Variants in SYNPO observed in about 807,000 individuals in gnomAD.
SYNPO encodes synaptopodin.
SYNPO carries 19 observed loss-of-function variants against 49.5 expected under a neutral mutation model. The observed-to-expected ratio is 0.38, with a 90% confidence interval of 0.27 to 0.56. The LOEUF (loss-of-function observed/expected upper bound fraction) is 0.56. Among genes scored for constraint, SYNPO ranks in the 20% least tolerant of loss-of-function variants. SYNPO has a pLI of 0.68. For missense variants in SYNPO, 1,131 were observed against 1,248.3 expected (o/e 0.91, Z 1.42); for synonymous variants, 536 against 548.0 (o/e 0.98, Z 0.31).
intron 2 of SYNPO, among the ~76,000 whole-genome samples, chr5:150,621,393 T>C (rs1227832117): frequency 6.6e-6 from 1 of 152,148 alleles, no homozygotes; most frequent in East Asian, 1.9e-4. Context: ...GGAAGGAAGC[T>C]GGGTCTTGCA....
chr5:150,649,897 C>T lies in SYNPO; in HGVS notation c.1622C>T (p.Pro541Leu). ...TCCCGAAGCCCAGCCCGGACCCCGC[C>T]TGCCTCCCTCTACCATGGCTACCTG... ...VASRSPARTP[P>L]ASLYHGYLPE... The change falls in exon 2 of 3, where the codon CCT becomes CTT. Residue 541 changes from proline (P) to leucine (L), a missense_variant. This residue lies in a region of SYNPO where 602 missense variants were observed against 720.7 expected (regional missense o/e 0.84). Transcript: ENST00000307662. 1 of 1,611,016 alleles carries T rather than the reference C, an allele frequency of 6.2e-7. No individual in the cohort carries two copies. Among genetic ancestry groups the T allele is most frequent in the Non-Finnish European group, 8.5e-7 (1 of 1,180,008 alleles).
chr5:150,603,173 C>A (rs1756596841), intron 1 of SYNPO, among the ~76,000 whole-genome samples: 1 of 152,186 alleles, frequency 6.6e-6, no homozygotes, highest in Non-Finnish European at 1.5e-5. Context: ...AGAGATTGTC[C>A]CCTGACTGAC....
upstream of SYNPO, among the ~76,000 whole-genome samples, chr5:150,639,513 TG>T (rs1477911071): frequency 1.3e-5 from 2 of 152,138 alleles, no homozygotes; most frequent in Non-Finnish European, 2.9e-5. Flanking sequence ...ATTTGCTTTG[TG>T]GGGAGCTCTT....
At chr5:150,638,174 T>C (rs1757782181), upstream of SYNPO, among the ~76,000 whole-genome samples, 1 of 152,178 alleles carries the variant, frequency 6.6e-6, no homozygotes, top group Non-Finnish European at 1.5e-5. Context: ...TGCTTCCTTA[T>C]CTCCATCTTT....
chr5:150,638,689 G>T (rs1319639801), upstream of SYNPO, among the ~76,000 whole-genome samples: 3 of 152,196 alleles, frequency 2.0e-5, no homozygotes, highest in Non-Finnish European at 4.4e-5. Context: ...GTCAGGCCCT[G>T]GGAAGAGTGG....
chr5:150,594,019 G>A, the SYNPO span, among the ~76,000 whole-genome samples: 1 of 152,174 alleles, frequency 6.6e-6, no homozygotes, highest in Non-Finnish European at 1.5e-5. Context: ...ATGGGGCAGG[G>A]GGTGTCCCTG....
the SYNPO span, among the ~76,000 whole-genome samples, chr5:150,586,125 G>A: frequency 2.0e-5 from 3 of 152,260 alleles, no homozygotes; most frequent in Non-Finnish European, 4.4e-5. Context: ...TGGCAGAGGT[G>A]AGTGCCAGGC....
upstream of SYNPO, among the ~76,000 whole-genome samples, chr5:150,636,649 G>A (rs1404829647): frequency 6.6e-6 from 1 of 152,218 alleles, no homozygotes; most frequent in African/African-American, 2.4e-5. Flanking sequence ...CCTGGTAATT[G>A]GTGAATGGCA....
rs376731190 is a variant in SYNPO at position 150,657,415 on chromosome 5, TTCTCTC to T, written c.*341_*346del. On this transcript the variant is annotated 3_prime_UTR_variant, in exon 3 of 3. Transcript: ENST00000307662. Reference sequence around the variant, plus strand: ...ACACCGATGCACACACACTCTCTCTTTCTCTCTCTCTCTCTCTCACACACACACACA... The same window carrying T: ...ACACCGATGCACACACACTCTCTCTTTCTCTCTCTCTCACACACACACACA... 30 of 192,328 alleles carry T rather than the reference TTCTCTC, an allele frequency of 1.6e-4. No homozygotes were observed. The East Asian group carries it at 3.1e-3, about 20-fold the overall frequency. 11.9% of individuals were successfully genotyped at this position (192,328 alleles called of 1,614,324 possible).
In SYNPO at chr5:150,658,050, T is replaced by C. The variant is rs1320590799; in HGVS notation, c.*963T>C. The C allele has an allele frequency of 6.6e-6, 1 of 152,366 alleles. No homozygotes were observed. Among genetic ancestry groups the C allele is most frequent in the Non-Finnish European group, 1.5e-5 (1 of 68,076 alleles). The allele number at this position is 152,366 out of a possible 1,614,324, so 9.4% of individuals were successfully genotyped here. ...ATTGCCCTCAGTTTGGGGTTGCTTA[T>C]TGGGAAAGAGAGAGACAAAGAGTTA... On this transcript the variant is annotated 3_prime_UTR_variant, in exon 3 of 3. Coordinates refer to ENST00000307662, the MANE Select transcript of SYNPO (RefSeq NM_007286.6).
rs1000735808 is a variant in SYNPO at position 150,657,591 on chromosome 5, A to T, written c.*504A>T. 6.4e-6 allele frequency: 1 copy of T among 156,820 alleles called. No homozygotes were observed. The highest frequency in any genetic ancestry group is 1.4e-5 in the Non-Finnish European group (1 of 70,764). The allele number at this position is 156,820 out of a possible 1,614,324, so 9.7% of individuals were successfully genotyped here. On this transcript the variant is annotated 3_prime_UTR_variant, in exon 3 of 3. Transcript: ENST00000307662. ...TGGCTCTGCTGTCTGGAGTCTGGCAAGCGGGGTGTGTTCAGAAGGTCCTAG... is the reference window on the plus strand; with the variant it reads ...TGGCTCTGCTGTCTGGAGTCTGGCATGCGGGGTGTGTTCAGAAGGTCCTAG...
intron 2 of SYNPO, among the ~76,000 whole-genome samples, chr5:150,619,386 AT>A (rs950918668): frequency 6.6e-6 from 1 of 152,152 alleles, no homozygotes; most frequent in Non-Finnish European, 1.5e-5. Flanking sequence ...TTGGTTTTTC[AT>A]TTGTTAGAGG....
At chr5:150,589,224 G>A in the SYNPO span, among the ~76,000 whole-genome samples, 1 of 152,038 alleles carries the variant, frequency 6.6e-6, no homozygotes, top group Non-Finnish European at 1.5e-5. Flanking sequence ...ACCACACCCA[G>A]CTAATTTTTT....
intron 2 of SYNPO, chr5:150,650,788 C>CT: frequency 7.8e-7 from 1 of 1,289,316 alleles, no homozygotes; most frequent in Non-Finnish European, 9.9e-7. Context: ...CCCAGGGGGG[C>CT]CTCCCTCCTG....
rs1448698829 is a variant in SYNPO at position 150,647,957 on chromosome 5, C to A, written c.-319C>A. On this transcript the variant is annotated 5_prime_UTR_variant, in exon 2 of 3. Coordinates refer to ENST00000307662, the MANE Select transcript of SYNPO (RefSeq NM_007286.6). ...CCCTCCCTGTAGCGTTGGGCCGGAG[C>A]ACTAGCCTCACGGAGAAGGATCTGA... is the stretch of plus-strand genomic sequence containing the variant. 3 of 1,551,640 alleles carry A rather than the reference C, an allele frequency of 1.9e-6. No individual in the cohort carries two copies. Among genetic ancestry groups the A allele is most frequent in the Non-Finnish European group, 2.6e-6 (3 of 1,146,938 alleles).
intron 2 of SYNPO, among the ~76,000 whole-genome samples, chr5:150,633,041 G>A (rs1292270540): frequency 1.3e-5 from 2 of 152,150 alleles, no homozygotes; most frequent in Non-Finnish European, 2.9e-5. Context: ...GGTCAGTTAG[G>A]ACTAGGAAAG....
chr5:150,625,185 C>T (rs753492991), intron 2 of SYNPO, among the ~76,000 whole-genome samples: 10 of 152,188 alleles, frequency 6.6e-5, no homozygotes, highest in Non-Finnish European at 1.2e-4. Context: ...CGTGGGGGCT[C>T]CAGCCCTTGC....
upstream of SYNPO, among the ~76,000 whole-genome samples, chr5:150,596,499 A>G (rs1756427073): frequency 6.6e-6 from 1 of 152,028 alleles, no homozygotes. Context: ...GCCCCCATGT[A>G]TCAGTGCCCC....
At chr5:150,646,971 G>A (rs1186268789) in intron 1 of SYNPO, among the ~76,000 whole-genome samples, 2 of 152,194 alleles carry the variant, frequency 1.3e-5, no homozygotes, top group Admixed American at 6.5e-5. Flanking sequence ...GGCCGGGCAC[G>A]GTGGCTCACG....
Sources: gnomAD v4.1 joint callset for allele counts (sites outside exome capture counted in the v4.1 genomes callset) on GRCh38, gnomAD v4.1.1 for gene constraint, gnomAD v4.1.1 regional missense constraint, MANE v1.5 for transcripts, NCBI Gene and HGNC (gene_info 2026-07-23, HGNC 2026-07-21) for gene names.